The following EML1 variants were observed in gnomAD, a reference collection of about 807,000 sequenced individuals.
The protein encoded by EML1 is EMAP like 1.
In EML1, 27 loss-of-function variants were observed where a neutral mutation model predicts 110.4. The observed-to-expected ratio is 0.24, with a 90% CI of 0.18 to 0.34. The LOEUF (loss-of-function observed/expected upper bound fraction) is 0.34, where lower values mean the gene tolerates loss of function less well. Ranked by LOEUF, EML1 falls within the 10% of genes least tolerant of loss-of-function variation. The pLI, the probability that EML1 is intolerant of heterozygous loss-of-function variation, is 1.00. For synonymous variants in EML1, 344 were observed against 385.8 expected (o/e 0.89, Z 1.27); for missense variants, 741 against 1,030.9 (o/e 0.72, Z 3.85).
intron 9 of EML1, among the ~76,000 whole-genome samples, chr14:99,904,064 T>G (rs947451557): frequency 2.6e-5 from 4 of 152,176 alleles, no homozygotes; most frequent in African/African-American, 9.7e-5. Context: ...GTTACAGGTG[T>G]GAGCCATCGT....
At chr14:99,758,362 T>G (rs1400955166) in intron 1 of EML1, among the ~76,000 whole-genome samples, 1 of 152,070 alleles carries the variant, frequency 6.6e-6, no homozygotes, top group East Asian at 1.9e-4. Context: ...TCTGCCAACA[T>G]GAAGCATACA....
At chr14:99,791,580 C>T (rs1323297245), upstream of EML1, among the ~76,000 whole-genome samples, 1 of 152,162 alleles carries the variant, frequency 6.6e-6, no homozygotes, top group African/African-American at 2.4e-5. Context: ...TTGTGCTGTC[C>T]CCGCTTGACC....
chr14:99,862,713 TTTGTTG>T, intron 2 of EML1, among the ~76,000 whole-genome samples: 2 of 152,222 alleles, frequency 1.3e-5, no homozygotes, highest in Middle Eastern at 6.8e-3. Context: ...GTCTTTTGGT[TTTGTTG>T]TTGTTGTCTG....
At chr14:99,878,944 C>T (rs1417028576) in intron 4 of EML1, among the ~76,000 whole-genome samples, 1 of 152,166 alleles carries the variant, frequency 6.6e-6, no homozygotes. Flanking sequence ...ACCTGAGCAC[C>T]TTCGATTTCT....
chr14:99,836,558 T>C (rs1227999654), intron 1 of EML1, among the ~76,000 whole-genome samples: 1 of 152,240 alleles, frequency 6.6e-6, no homozygotes, highest in African/African-American at 2.4e-5. Flanking sequence ...TGAATGTATA[T>C]AGTATAGTCA....
At chr14:99,758,356 C>T in intron 1 of EML1, among the ~76,000 whole-genome samples, 1 of 152,110 alleles carries the variant, frequency 6.6e-6, no homozygotes, top group East Asian at 1.9e-4. Flanking sequence ...TGGAGTTCTG[C>T]CAACATGAAG....
chr14:99,883,444 T>C (rs12434231), intron 4 of EML1: 27,152 of 151,534 alleles, frequency 0.18, 2,760 homozygotes, highest in East Asian at 0.43. Context: ...TGTGGGAGGA[T>C]TGCTCGAGCC....
intron 10 of EML1, among the ~76,000 whole-genome samples, chr14:99,908,914 A>G (rs1168601655): frequency 6.6e-6 from 1 of 152,170 alleles, no homozygotes; most frequent in Non-Finnish European, 1.5e-5. Flanking sequence ...AGGCCTAGAG[A>G]TCTGCATTTT....
At chr14:99,746,386 T>C (rs2057108419) in intron 1 of EML1, among the ~76,000 whole-genome samples, 1 of 151,650 alleles carries the variant, frequency 6.6e-6, no homozygotes, top group Admixed American at 6.6e-5. Context: ...GAGGGAGAGG[T>C]CTCAGGGGGC....
intron 1 of EML1, among the ~76,000 whole-genome samples, chr14:99,755,956 C>T (rs571565274): frequency 9.8e-5 from 15 of 152,324 alleles, no homozygotes; most frequent in African/African-American, 3.4e-4. Flanking sequence ...GCTCAAGGAA[C>T]CCGCCCAGGG....
rs901079223 is a variant in EML1, at chr14:99,827,979, A to G, written c.68-22874A>G. Among the ~76,000 whole-genome samples, 3 of 152,138 alleles carry G rather than the reference A, an allele frequency of 2.0e-5. No homozygotes were observed. ...CTTGCCTGTGAATGAAATGGAGGGA[A>G]TTGAAGATTTCGGTGTGCTTGCAGT... On this transcript the variant is annotated intron_variant, in intron 1 of 21. Coordinates refer to ENST00000262233, the MANE Select transcript of EML1 (RefSeq NM_004434.3). The surrounding 1 kb of genome is among the most constrained non-coding windows in gnomAD (Gnocchi z 4.4).
Position 99,850,868 on chromosome 14 carries a change from C to G in EML1, c.83C>G (p.Ala28Gly). The part of the protein sequence containing the change: ...LQFCNDDSAS[A>G]ASSMEVTDRI... ...TTTGGTTTAGATGACAGCGCTTCTGCTGCAAGTAGCATGGAGGTGACAGAC... is the reference window on the plus strand; with the variant it reads ...TTTGGTTTAGATGACAGCGCTTCTGGTGCAAGTAGCATGGAGGTGACAGAC... Residue 28 changes from alanine (A) to glycine (G), a missense_variant, in exon 2 of 22, where the codon GCT (alanine) becomes GGT (glycine). Around this residue, in one of 4 missense-constraint regions of EML1, gnomAD observed 226 missense variants for 255.6 expected, o/e 0.88. Transcript: ENST00000262233. The G allele has an allele frequency of 6.2e-7, 1 of 1,613,748 alleles. No homozygotes were observed. The highest frequency in any genetic ancestry group is 1.1e-5 in the South Asian group (1 of 91,012).
chr14:99,922,405 C>T (rs143237768), intron 17 of EML1, among the ~76,000 whole-genome samples: 69 of 152,200 alleles, frequency 4.5e-4, no homozygotes, highest in African/African-American at 1.5e-3. Context: ...CGTGAGCCAC[C>T]GCACCCTGGC....
intron 1 of EML1, among the ~76,000 whole-genome samples, chr14:99,837,668 G>A (rs959127038): frequency 2.0e-5 from 3 of 152,112 alleles, no homozygotes; most frequent in Admixed American, 6.5e-5. Flanking sequence ...TTCCATAGCC[G>A]AACATATCTA....
chr14:99,740,108 A>G (rs978661339), intron 1 of EML1, among the ~76,000 whole-genome samples: 3 of 152,212 alleles, frequency 2.0e-5, no homozygotes, highest in Admixed American at 2.0e-4. Flanking sequence ...ATACATAAGC[A>G]ACCTAGAGAG....
intron 17 of EML1, among the ~76,000 whole-genome samples, chr14:99,929,793 C>G (rs958026951): frequency 3.3e-5 from 5 of 152,186 alleles, no homozygotes; most frequent in Non-Finnish European, 7.3e-5. Flanking sequence ...AGATCCCGGC[C>G]GAGATCTGTA....
At chr14:99,786,000 C>G (rs1031838413) in intron 1 of EML1, among the ~76,000 whole-genome samples, 8 of 146,816 alleles carry the variant, frequency 5.4e-5, no homozygotes, top group Non-Finnish European at 1.2e-4. Context: ...TGCATTATGG[C>G]ACATTCACGG....
chr14:99,811,592 T>C (rs2058080397), intron 1 of EML1, among the ~76,000 whole-genome samples: 1 of 144,512 alleles, frequency 6.9e-6, no homozygotes, highest in Admixed American at 7.1e-5. Context: ...CACTTGACCC[T>C]AGGAGTTTTA....
chr14:99,888,859 G>C (rs1191103), intron 4 of EML1, among the ~76,000 whole-genome samples: 136,246 of 151,928 alleles, frequency 0.9, 61,138 homozygotes, highest in East Asian at 1. Flanking sequence ...TCACCTGGAG[G>C]TGTAGAATTG....
Sources: gnomAD v4.1 joint callset for allele counts (sites outside exome capture counted in the v4.1 genomes callset) on GRCh38, gnomAD v4.1.1 for gene constraint, gnomAD v4.1.1 regional missense constraint, Gnocchi (gnomAD v3.1) non-coding constraint, MANE v1.5 for transcripts, NCBI Gene and HGNC (gene_info 2026-07-23, HGNC 2026-07-21) for gene names.